XPO4: variants seen among roughly 807,000 people sequenced by gnomAD.
XPO4 encodes exportin-4.
A neutral mutation model predicts 143.0 loss-of-function variants in XPO4; 39 were observed. The observed-to-expected ratio is 0.27, with a 90% CI of 0.21 to 0.36. The LOEUF (loss-of-function observed/expected upper bound fraction) is 0.36. Ranked by LOEUF, XPO4 falls within the 10% of genes least tolerant of loss-of-function variation. XPO4 has a pLI of 1.00. For synonymous variants in XPO4, 439 were observed against 474.0 expected (o/e 0.93, Z 0.96); for missense variants, 907 against 1,348.0 (o/e 0.67, Z 5.12).
intron 1 of XPO4, among the ~76,000 whole-genome samples, chr13:20,892,035 TG>T (rs1255680054): frequency 7.3e-6 from 1 of 137,302 alleles, no homozygotes; most frequent in Non-Finnish European, 1.5e-5. Context: ...TGTTTTGTTT[TG>T]TTTTTTTTTT....
intron 9 of XPO4, among the ~76,000 whole-genome samples, 171 bp downstream of exon 9, chr13:20,821,533 C>T (rs1327014711): frequency 6.6e-6 from 1 of 152,202 alleles, no homozygotes; most frequent in African/African-American, 2.4e-5. Context: ...TTTTAATCCA[C>T]AAATTTTTAA....
intron 6 of XPO4, among the ~76,000 whole-genome samples, chr13:20,827,908 C>A (rs902380441): frequency 1.3e-5 from 2 of 152,092 alleles, no homozygotes; most frequent in Admixed American, 6.6e-5. Flanking sequence ...GAATACGATT[C>A]ATTGATACTG....
At chr13:20,902,575 T>G in intron 1 of XPO4, 95 bp downstream of exon 1, 1 of 1,395,568 alleles carries the variant, frequency 7.2e-7, no homozygotes, top group Non-Finnish European at 9.4e-7. Flanking sequence ...TGCAGGCCCT[T>G]GCCAGTCGCC....
At chr13:20,845,977 TTG>T (rs1399651940) in intron 4 of XPO4, among the ~76,000 whole-genome samples, 2 of 152,172 alleles carry the variant, frequency 1.3e-5, no homozygotes, top group Non-Finnish European at 2.9e-5. Flanking sequence ...TTGAGAAAAC[TTG>T]TCTTACTAAA....
At chr13:20,793,047 C>T (rs2059308261) in intron 18 of XPO4, among the ~76,000 whole-genome samples, 1 of 152,182 alleles carries the variant, frequency 6.6e-6, no homozygotes, top group African/African-American at 2.4e-5. Context: ...GCCTCAGCCT[C>T]CCAAAGTGCT....
At chr13:20,868,775 C>A in intron 1 of XPO4, 74 bp from the exon 2 acceptor site, 1 of 1,420,086 alleles carries the variant, frequency 7.0e-7, no homozygotes, top group African/African-American at 1.4e-5. Flanking sequence ...TTTTTACCCA[C>A]AAGAACAGAA....
intron 13 of XPO4, among the ~76,000 whole-genome samples, chr13:20,801,201 T>A (rs545767311): frequency 1.3e-5 from 2 of 152,122 alleles, no homozygotes; most frequent in South Asian, 2.1e-4. Flanking sequence ...AAAGGAAGAG[T>A]CAACACTAGA....
chr13:20,789,189 T>C (rs1035239733), intron 19 of XPO4, among the ~76,000 whole-genome samples: 4 of 152,170 alleles, frequency 2.6e-5, no homozygotes, highest in East Asian at 1.9e-4. Context: ...AAACCCTAAA[T>C]GCAAATCAAT....
chr13:20,853,336 C>CAA (rs56312143), intron 4 of XPO4, among the ~76,000 whole-genome samples: 10 of 101,930 alleles, frequency 9.8e-5, no homozygotes, highest in African/African-American at 3.1e-4. Context: ...GACCCTGTCT[C>CAA]AAAAAAAAAA....
At chr13:20,804,202 T>C (rs184448714) in intron 13 of XPO4, among the ~76,000 whole-genome samples, 1 of 150,610 alleles carries the variant, frequency 6.6e-6, no homozygotes, top group African/African-American at 2.4e-5. Flanking sequence ...TATCTATATA[T>C]ATACACACAT....
chr13:20,845,445 G>T (rs1295344115), intron 4 of XPO4, among the ~76,000 whole-genome samples: 1 of 152,096 alleles, frequency 6.6e-6, no homozygotes, highest in Admixed American at 6.6e-5. Flanking sequence ...AAATATACAT[G>T]ACTTAATATA....
At chr13:20,814,553 G>A (rs191491986) in intron 9 of XPO4, among the ~76,000 whole-genome samples, 170 of 152,350 alleles carry the variant, frequency 1.1e-3, no homozygotes, top group African/African-American at 3.9e-3. Flanking sequence ...AAATCTTTCA[G>A]TCTAATCACA....
At position 20,823,745 on chromosome 13, in the gene XPO4, G is replaced by A. The variant is rs538235067; in HGVS notation, c.841-1456C>T. 9.2e-5 allele frequency among the ~76,000 whole-genome samples: 14 copies of A among 152,192 alleles called. No individual in the cohort carries two copies. The East Asian group carries it at 1.5e-3, about 17-fold the overall frequency. On this transcript the variant is annotated intron_variant, in intron 7 of 22. Transcript: ENST00000255305. ...CAGCTCATAGCAACCTCCGCCTCCC[G>A]GGTTCAAGCAATTCTCCTGCCTCAG... is the stretch of plus-strand genomic sequence containing the variant.
rs901280651 is a variant in XPO4 at position 20,814,329 on chromosome 13, CCTTT to C, written c.1174-4366_1174-4363del. On this transcript the variant is annotated intron_variant, in intron 9 of 22. Coordinates refer to ENST00000255305, the MANE Select transcript of XPO4 (RefSeq NM_022459.5). ...AACTAAAAAGTAAAAGTCTTATATG[CCTTT>C]CTATTATTAAAAAAAGTTTTCAATA... Among the ~76,000 whole-genome samples the C allele has an allele frequency of 3.9e-5, 6 of 151,916 alleles. No homozygotes were observed. In the East Asian group the frequency reaches 5.8e-4, roughly 15 times the overall value.
At chr13:20,893,346 C>A (rs1412306840) in intron 1 of XPO4, among the ~76,000 whole-genome samples, 1 of 152,144 alleles carries the variant, frequency 6.6e-6, no homozygotes, top group Non-Finnish European at 1.5e-5. Context: ...TGGACAGAAA[C>A]AGTCTTATGG....
At chr13:20,854,752 C>T (rs2060125536) in intron 4 of XPO4, among the ~76,000 whole-genome samples, 3 of 152,124 alleles carry the variant, frequency 2.0e-5, no homozygotes, top group Admixed American at 2.0e-4. Context: ...AACCAAACAG[C>T]CACTCTCCAG....
chr13:20,806,655 C>T (rs1024434921), intron 13 of XPO4, among the ~76,000 whole-genome samples: 11 of 141,696 alleles, frequency 7.8e-5, no homozygotes, highest in Non-Finnish European at 1.4e-4. Context: ...TGGGTTCAAG[C>T]GATTCTCCTG....
intron 9 of XPO4, among the ~76,000 whole-genome samples, chr13:20,813,717 G>A (rs1048375799): frequency 6.6e-6 from 1 of 152,162 alleles, no homozygotes; most frequent in Non-Finnish European, 1.5e-5. Flanking sequence ...CAGCACTTTG[G>A]AAGGCTGAAA....
intron 3 of XPO4, among the ~76,000 whole-genome samples, chr13:20,862,277 T>G (rs190595999): frequency 4.6e-5 from 7 of 152,268 alleles, no homozygotes; most frequent in Admixed American, 3.9e-4. Context: ...CAACTTTTAT[T>G]TATAACTAAG....
Sources: allele counts gnomAD v4.1 joint callset (sites outside exome capture counted in the v4.1 genomes callset), GRCh38; gene constraint gnomAD v4.1.1; transcripts MANE v1.5; gene names NCBI Gene and HGNC (gene_info 2026-07-23, HGNC 2026-07-21).